SLIT2: variants seen among roughly 807,000 people sequenced by gnomAD.
SLIT2 encodes slit homolog 2 protein.
SLIT2 carries 41 observed loss-of-function variants against 185.7 expected under a neutral mutation model. The observed-to-expected ratio is 0.22, with a 90% confidence interval of 0.17 to 0.29. The LOEUF (loss-of-function observed/expected upper bound fraction) is 0.29. Ranked by LOEUF, SLIT2 falls within the 10% of genes least tolerant of loss-of-function variation. The pLI, the probability that SLIT2 is intolerant of heterozygous loss-of-function variation, is 1.00. For missense variants in SLIT2, 1,571 were observed against 1,909.0 expected, an observed-to-expected ratio of 0.82 and a Z score of 3.30; for synonymous variants, 693 against 680.2, an observed-to-expected ratio of 1.02 and a Z score of -0.29.
chr4:20,611,137 T>G (rs1357425423), intron 34 of SLIT2, among the ~76,000 whole-genome samples: 2 of 152,256 alleles, frequency 1.3e-5, no homozygotes, highest in Non-Finnish European at 2.9e-5. Flanking sequence ...GTAAAAGCTT[T>G]GAACAGGTTA....
At chr4:20,410,731 G>A (rs1727185036) in intron 4 of SLIT2, among the ~76,000 whole-genome samples, 1 of 152,054 alleles carries the variant, frequency 6.6e-6, no homozygotes. Flanking sequence ...GGTTGTAGGT[G>A]TGCAGTCTTA....
At chr4:20,372,554 C>G (rs1042076143) in intron 4 of SLIT2, among the ~76,000 whole-genome samples, 1 of 151,804 alleles carries the variant, frequency 6.6e-6, no homozygotes, top group African/African-American at 2.4e-5. Flanking sequence ...TAATTTATAT[C>G]TTTAACTGTG....
chr4:20,320,787 T>G (rs966450284), intron 4 of SLIT2, among the ~76,000 whole-genome samples: 1 of 152,276 alleles, frequency 6.6e-6, no homozygotes, highest in Non-Finnish European at 1.5e-5. Context: ...AACTTCTATC[T>G]CAAGCTTTAC....
chr4:20,596,003 G>T (rs1727951822), intron 31 of SLIT2, among the ~76,000 whole-genome samples, 169 bp downstream of exon 31: 1 of 152,108 alleles, frequency 6.6e-6, no homozygotes, highest in Admixed American at 6.5e-5. Context: ...CATTTAACAT[G>T]ATGTGATTAT....
chr4:20,581,009 C>T (rs894282310), intron 29 of SLIT2, among the ~76,000 whole-genome samples: 1 of 152,130 alleles, frequency 6.6e-6, no homozygotes, highest in Non-Finnish European at 1.5e-5. Flanking sequence ...TTTTATTCCC[C>T]GCTGTAAACT....
intron 4 of SLIT2, among the ~76,000 whole-genome samples, chr4:20,416,604 C>A (rs1727709064): frequency 6.6e-6 from 1 of 152,030 alleles, no homozygotes; most frequent in Non-Finnish European, 1.5e-5. Flanking sequence ...TCAACTCCTG[C>A]CCTTTAACTT....
chr4:20,279,925 A>G (rs1714555165), intron 4 of SLIT2, among the ~76,000 whole-genome samples: 1 of 152,208 alleles, frequency 6.6e-6, no homozygotes, highest in Non-Finnish European at 1.5e-5. Flanking sequence ...AGGTCGGCTA[A>G]TAAATATCTT....
At chr4:20,324,262 A>T (rs747412947) in intron 4 of SLIT2, among the ~76,000 whole-genome samples, 1 of 125,168 alleles carries the variant, frequency 8.0e-6, no homozygotes, top group Non-Finnish European at 1.7e-5. Context: ...CATTGAGACA[A>T]TGTATTGGTG....
chr4:20,438,187 A>G (rs533823207), intron 4 of SLIT2, among the ~76,000 whole-genome samples: 2 of 152,270 alleles, frequency 1.3e-5, no homozygotes, highest in South Asian at 4.1e-4. Context: ...TGTTTAAAAC[A>G]TAAGTTAGAC....
intron 4 of SLIT2, among the ~76,000 whole-genome samples, chr4:20,449,723 T>A (rs1037680605): frequency 4.6e-5 from 7 of 152,296 alleles, no homozygotes; most frequent in Non-Finnish European, 8.8e-5. Context: ...ACATTTTTTT[T>A]ATTTTTATTT....
chr4:20,465,184 C>T (rs1377295811), intron 4 of SLIT2, among the ~76,000 whole-genome samples: 1 of 152,102 alleles, frequency 6.6e-6, no homozygotes, highest in East Asian at 1.9e-4. Context: ...TTTAGAAATC[C>T]CTAAATCTTG....
intron 4 of SLIT2, among the ~76,000 whole-genome samples, chr4:20,304,990 A>G (rs1717403562): frequency 6.6e-6 from 1 of 152,214 alleles, no homozygotes; most frequent in Non-Finnish European, 1.5e-5. Context: ...AAAGTACAAG[A>G]TAAGTAGTTT....
rs1220290774 is a variant in SLIT2, at chr4:20,519,417, A to G, written c.1094A>G (p.Lys365Arg). ...LYGNKITELP[K>R]SLFEGLFSLQ... ...GGAAATAAAATCACAGAACTCCCCAAAAGTTTATTTGAAGGACTGTTTTCC... is the reference window on the plus strand; with the variant it reads ...GGAAATAAAATCACAGAACTCCCCAGAAGTTTATTTGAAGGACTGTTTTCC... Residue 365 changes from lysine to arginine, a missense_variant, in exon 12 of 37, where the codon AAA becomes AGA. Lys to Arg is a conservative substitution (Grantham distance 26). This residue lies in a region of SLIT2 where 1,202 missense variants were observed against 1,416.4 expected (regional missense o/e 0.85). Coordinates refer to ENST00000504154, the MANE Select transcript of SLIT2 (RefSeq NM_004787.4). 4 of 1,593,938 alleles carry G rather than the reference A, an allele frequency of 2.5e-6. No individual in the cohort carries two copies. Among genetic ancestry groups the G allele is most frequent in the Non-Finnish European group, 3.4e-6 (4 of 1,162,780 alleles).
chr4:20,447,604 A>G (rs1431101785), intron 4 of SLIT2, among the ~76,000 whole-genome samples: 1 of 152,194 alleles, frequency 6.6e-6, no homozygotes, highest in Non-Finnish European at 1.5e-5. Context: ...ATGTAAGGAA[A>G]ACGGTTGCAA....
At position 20,384,299 on chromosome 4, in the gene SLIT2, C is replaced by T. The variant is rs530752589; in HGVS notation, c.396-83453C>T. On this transcript the variant is annotated intron_variant, in intron 4 of 36. Coordinates refer to ENST00000504154, the MANE Select transcript of SLIT2 (RefSeq NM_004787.4). ...TGCAAAAGATCCCAGGTTGCATTTT[C>T]ATGTATATAATATTCCAGGAAAATC... 5.7e-4 allele frequency among the ~76,000 whole-genome samples: 87 copies of T among 152,190 alleles called. No individual in the cohort carries two copies. In the South Asian group the frequency reaches 0.015, roughly 25 times the overall value.
At chr4:20,313,857 C>T (rs1173828572) in intron 4 of SLIT2, among the ~76,000 whole-genome samples, 1 of 152,172 alleles carries the variant, frequency 6.6e-6, no homozygotes, top group Non-Finnish European at 1.5e-5. Flanking sequence ...TTGCCTGCTG[C>T]TCACCTCCTC....
intron 4 of SLIT2, among the ~76,000 whole-genome samples, chr4:20,373,543 C>T (rs558837482): frequency 7.9e-5 from 12 of 151,886 alleles, no homozygotes; most frequent in Non-Finnish European, 1.5e-4. Context: ...AAATTACACA[C>T]AGTATGTGTG....
At chr4:20,407,624 T>C (rs1200980505) in intron 4 of SLIT2, among the ~76,000 whole-genome samples, 3 of 152,154 alleles carry the variant, frequency 2.0e-5, no homozygotes, top group Non-Finnish European at 4.4e-5. Flanking sequence ...GCAAACTCAA[T>C]TGGCAGGAAC....
At chr4:20,508,846 C>T (rs1231634137) in intron 9 of SLIT2, among the ~76,000 whole-genome samples, 3 of 151,908 alleles carry the variant, frequency 2.0e-5, no homozygotes, top group South Asian at 2.1e-4. Context: ...ACTGAGGAAA[C>T]CCATTGAATG....
Sources: allele counts gnomAD v4.1 joint callset (sites outside exome capture counted in the v4.1 genomes callset), GRCh38; gene constraint gnomAD v4.1.1; regional missense constraint gnomAD v4.1.1; transcripts MANE v1.5; gene names NCBI Gene and HGNC (gene_info 2026-07-23, HGNC 2026-07-21).